The following STRN variants were observed in gnomAD, a reference collection of about 807,000 sequenced individuals.
STRN encodes the protein striatin.
Under a neutral mutation model 96.3 loss-of-function variants are expected in STRN, and 53 were observed. That is an observed-to-expected ratio of 0.55 (90% confidence interval 0.44 to 0.69). The LOEUF is 0.69. STRN is among the 30% of genes least tolerant of loss of function. The pLI is 0.00. For synonymous variants in STRN, 428 were observed against 355.9 expected (o/e 1.20, Z -2.28); for missense variants, 987 against 963.9 (o/e 1.02, Z -0.32).
chr2:36,859,532 TACAG>T (rs1192901296), intron 13 of STRN, among the ~76,000 whole-genome samples: 1 of 152,170 alleles, frequency 6.6e-6, no homozygotes, highest in East Asian at 1.9e-4. Context: ...TGCTAGGATT[TACAG>T]ACAATGAAAC....
rs114932151 is a variant in STRN, at chr2:36,912,259, C to T, written c.412+3819G>A. Reference sequence around the variant, plus strand: ...ACGTGTGCGTGAGAGTGTGCGCGCGCGCACACACACACTTTCCTTGACCCC... The same window carrying T: ...ACGTGTGCGTGAGAGTGTGCGCGCGTGCACACACACACTTTCCTTGACCCC... On this transcript the variant is annotated intron_variant, in intron 3 of 17. Coordinates refer to ENST00000263918, the MANE Select transcript of STRN (RefSeq NM_003162.4). Among the ~76,000 whole-genome samples, 803 of 152,262 alleles carry T rather than the reference C, an allele frequency of 5.3e-3. 6 individuals are homozygous for T. The highest frequency in any genetic ancestry group is 0.018 in the African/African-American group (737 of 41,540).
chr2:36,937,836 T>G (rs188279997), intron 1 of STRN, among the ~76,000 whole-genome samples: 11 of 152,108 alleles, frequency 7.2e-5, no homozygotes, highest in African/African-American at 2.4e-4. Flanking sequence ...AGAGTGATTA[T>G]AAAACACTCT....
intron 1 of STRN, among the ~76,000 whole-genome samples, chr2:36,943,471 T>G (rs1488815430): frequency 6.6e-6 from 1 of 152,052 alleles, no homozygotes; most frequent in Admixed American, 6.6e-5. Context: ...ATTATATTTA[T>G]TAAATCATTT....
chr2:36,861,117 T>G lies in STRN; in HGVS notation c.1669+15A>C. The G allele has an allele frequency of 6.2e-7, 1 of 1,611,778 alleles. No homozygotes were observed. Among genetic ancestry groups the G allele is most frequent in the South Asian group, 1.1e-5 (1 of 90,058 alleles). On this transcript the variant is annotated intron_variant, in intron 13 of 17. Coordinates refer to ENST00000263918, the MANE Select transcript of STRN (RefSeq NM_003162.4). ...AACCAATTTTATTCCTTCAGATCTTTGGGAAATCACCTACCATAAGAATCA... is the reference window on the plus strand; with the variant it reads ...AACCAATTTTATTCCTTCAGATCTTGGGGAAATCACCTACCATAAGAATCA...
At chr2:36,913,595 T>C (rs967942142) in intron 3 of STRN, among the ~76,000 whole-genome samples, 1 of 152,256 alleles carries the variant, frequency 6.6e-6, no homozygotes, top group African/African-American at 2.4e-5. Flanking sequence ...CATATGTCAT[T>C]GTAATCACTT....
intron 1 of STRN, among the ~76,000 whole-genome samples, chr2:36,948,922 G>A (rs1014131414): frequency 6.6e-6 from 1 of 152,172 alleles, no homozygotes; most frequent in African/African-American, 2.4e-5. Flanking sequence ...AAAAAAGCAG[G>A]TATGATTTAT....
intron 1 of STRN, among the ~76,000 whole-genome samples, chr2:36,960,664 C>T (rs1052924276): frequency 6.6e-6 from 1 of 152,056 alleles, no homozygotes; most frequent in African/African-American, 2.4e-5. Flanking sequence ...ATCAGAATTA[C>T]GGCAAATATG....
At chr2:36,890,137 T>C (rs1476444365) in intron 7 of STRN, among the ~76,000 whole-genome samples, 1 of 152,154 alleles carries the variant, frequency 6.6e-6, no homozygotes, top group Admixed American at 6.5e-5. Flanking sequence ...TGCAGCTATG[T>C]TGGTGGACTT....
intron 1 of STRN, among the ~76,000 whole-genome samples, chr2:36,951,317 C>T (rs777197990): frequency 2.0e-5 from 3 of 152,198 alleles, no homozygotes; most frequent in Non-Finnish European, 4.4e-5. Flanking sequence ...AATTATGAAG[C>T]CTGTGGCATC....
At chr2:36,849,835 C>G in intron 16 of STRN, 35 bp from the exon 17 acceptor site, 1 of 1,595,044 alleles carries the variant, frequency 6.3e-7, no homozygotes, top group Non-Finnish European at 8.6e-7. Flanking sequence ...CTTATTAATG[C>G]CTTTCCTCAT....
In STRN at chr2:36,886,762, G is replaced by C. The variant is rs972695014; in HGVS notation, c.996C>G (p.Leu332=). The part of the protein sequence containing the change: ...WNVDQGVITK[L]KEQYKKERKG... ...TTCTCTCCTTTTTGTATTGTTCCTT[G>C]AGTTTGGTAATTACTCCCTGGTCCA... The change falls in exon 8 of 18, where the codon CTC becomes CTG. Residue 332 remains leucine (L), a synonymous_variant. Transcript: ENST00000263918. 5.0e-6 allele frequency: 8 copies of C among 1,612,676 alleles called. No individual in the cohort carries two copies. The highest frequency in any genetic ancestry group is 1.1e-5 in the South Asian group (1 of 90,952).
At chr2:36,962,863 T>C (rs1665063010) in intron 1 of STRN, among the ~76,000 whole-genome samples, 2 of 152,236 alleles carry the variant, frequency 1.3e-5, no homozygotes, top group South Asian at 4.1e-4. Context: ...AACACTCTGA[T>C]TCTTCTACAA....
At chr2:36,890,465 T>C (rs1046261709) in intron 7 of STRN, among the ~76,000 whole-genome samples, 1 of 150,476 alleles carries the variant, frequency 6.6e-6, no homozygotes, top group African/African-American at 2.4e-5. Flanking sequence ...ATATTATCAC[T>C]GCACCAGAAA....
At chr2:36,893,662 A>G (rs1669461424) in intron 7 of STRN, among the ~76,000 whole-genome samples, 1 of 152,212 alleles carries the variant, frequency 6.6e-6, no homozygotes, top group Non-Finnish European at 1.5e-5. Flanking sequence ...CTGTATAGTA[A>G]TTCAAATTCT....
intron 10 of STRN, 35 bp from the exon 11 acceptor site, chr2:36,869,764 T>A: frequency 6.6e-7 from 1 of 1,506,616 alleles, no homozygotes; most frequent in Non-Finnish European, 8.9e-7. Flanking sequence ...ATCTACACAC[T>A]TAGTTAAGGA....
At chr2:36,881,487 C>T (rs1669068687) in intron 9 of STRN, among the ~76,000 whole-genome samples, 2 of 152,158 alleles carry the variant, frequency 1.3e-5, no homozygotes. Flanking sequence ...AGAGCACACA[C>T]AGCATATGAA....
At chr2:36,943,386 CTATATA>C (rs72109513) in intron 1 of STRN, among the ~76,000 whole-genome samples, 1 of 148,834 alleles carries the variant, frequency 6.7e-6, no homozygotes, top group South Asian at 2.1e-4. Context: ...GGGACTAGAA[CTATATA>C]TATATATATA....
intron 3 of STRN, among the ~76,000 whole-genome samples, chr2:36,915,072 C>A (rs1670055169): frequency 6.7e-6 from 1 of 150,326 alleles, no homozygotes; most frequent in African/African-American, 2.4e-5. Context: ...TGGTGGGCGC[C>A]AGTAATCCCA....
chr2:36,935,406 T>G (rs1670677080), intron 1 of STRN, among the ~76,000 whole-genome samples: 1 of 152,246 alleles, frequency 6.6e-6, no homozygotes, highest in Admixed American at 6.5e-5. Flanking sequence ...AAATAAGGAC[T>G]TTGGCATACT....
Sources: allele counts gnomAD v4.1 joint callset (sites outside exome capture counted in the v4.1 genomes callset), GRCh38; gene constraint gnomAD v4.1.1; transcripts MANE v1.5; gene names NCBI Gene and HGNC (gene_info 2026-07-23, HGNC 2026-07-21).